UBE2W: variants seen among roughly 807,000 people sequenced by gnomAD.
The protein encoded by UBE2W is ubiquitin-conjugating enzyme E2 W.
Under a neutral mutation model 27.2 loss-of-function variants are expected in UBE2W, and 18 were observed. The ratio of observed to expected loss-of-function variants is 0.66; its 90% confidence interval spans 0.46 to 0.98. The LOEUF (loss-of-function observed/expected upper bound fraction) is 0.98, where lower values mean the gene tolerates loss of function less well. Ranked by LOEUF, UBE2W falls within the 50% of genes least tolerant of loss-of-function variation. The pLI is 0.00. For missense variants in UBE2W, 90 were observed against 180.2 expected (o/e 0.50, Z 2.87); for synonymous variants, 53 against 57.2 (o/e 0.93, Z 0.33).
intron 4 of UBE2W, among the ~76,000 whole-genome samples, chr8:73,806,229 T>C (rs1256090838): frequency 1.3e-5 from 2 of 151,924 alleles, no homozygotes; most frequent in Admixed American, 1.3e-4. Context: ...CAAATTCACA[T>C]AATAATTTAA....
At chr8:73,860,654 T>G (rs919846181) in intron 1 of UBE2W, among the ~76,000 whole-genome samples, 1 of 152,206 alleles carries the variant, frequency 6.6e-6, no homozygotes, top group African/African-American at 2.4e-5. Flanking sequence ...GGATTTATGA[T>G]GTCAAAGTAT....
chr8:73,790,174 C>T lies in UBE2W; in HGVS notation c.*3928G>A. 1.0e-6 allele frequency: 1 copy of T among 984,428 alleles called. No homozygotes were observed. 61.0% of individuals were successfully genotyped at this position (984,428 alleles called of 1,614,324 possible). On this transcript the variant is annotated 3_prime_UTR_variant, in exon 6 of 6. Coordinates refer to ENST00000602593, the MANE Select transcript of UBE2W (RefSeq NM_018299.6). Reference sequence around the variant, plus strand: ...TAATAATCGTCCTTCTGTAGAATCCCTAACCTCAGAAAAAAAAAAGAGAGA... The same window carrying T: ...TAATAATCGTCCTTCTGTAGAATCCTTAACCTCAGAAAAAAAAAAGAGAGA...
chr8:73,791,909 T>G lies in UBE2W; in HGVS notation c.*2193A>C, dbSNP rs1004320834. ...AAAATATTGTCATAAAAAACTCAAT[T>G]GAGGCTATATATGACCTATTACTCT... On this transcript the variant is annotated 3_prime_UTR_variant, in exon 6 of 6. Transcript: ENST00000602593. 1.0e-6 allele frequency: 1 copy of G among 984,868 alleles called. No individual in the cohort carries two copies. The highest frequency in any genetic ancestry group is 6.2e-5 in the Admixed American group (1 of 16,252). 61.0% of individuals were successfully genotyped at this position (984,868 alleles called of 1,614,324 possible). A position where few individuals can be genotyped will look rare whatever the true frequency, so the allele number is the denominator to read the frequency against.
Position 73,788,931 on chromosome 8 carries a change from C to A in UBE2W, c.*5171G>T, listed in dbSNP as rs1808076029. On this transcript the variant is annotated 3_prime_UTR_variant, in exon 6 of 6. Coordinates refer to ENST00000602593, the MANE Select transcript of UBE2W (RefSeq NM_018299.6). ...TCTATTCAGGCATTCCTTCCACATA[C>A]TCAAAATACCCTCAGATATTTTATT... is the stretch of plus-strand genomic sequence containing the variant. The A allele has an allele frequency of 1.0e-6, 1 of 984,270 alleles. No homozygotes were observed. Among genetic ancestry groups the A allele is most frequent in the Admixed American group, 6.2e-5 (1 of 16,234 alleles). 61.0% of individuals were successfully genotyped at this position (984,270 alleles called of 1,614,324 possible).
intron 3 of UBE2W, among the ~76,000 whole-genome samples, chr8:73,821,844 T>A (rs1232202618): frequency 6.6e-6 from 1 of 151,856 alleles, no homozygotes; most frequent in Non-Finnish European, 1.5e-5. Flanking sequence ...CTACAAAAAA[T>A]ATAAAAATTA....
chr8:73,873,999 TAGAC>T (rs1285141906), intron 1 of UBE2W, among the ~76,000 whole-genome samples: 4 of 152,224 alleles, frequency 2.6e-5, no homozygotes, highest in Non-Finnish European at 5.9e-5. Flanking sequence ...ATTAGAAAAT[TAGAC>T]AGCATATATG....
intron 1 of UBE2W, among the ~76,000 whole-genome samples, chr8:73,855,354 T>C (rs1811243998): frequency 6.6e-6 from 1 of 151,748 alleles, no homozygotes; most frequent in Admixed American, 6.6e-5. Flanking sequence ...TGAAATTTGA[T>C]GCAGTTATGA....
At chr8:73,844,189 C>A (rs1323979443) in intron 1 of UBE2W, among the ~76,000 whole-genome samples, 1 of 149,662 alleles carries the variant, frequency 6.7e-6, no homozygotes, top group East Asian at 2.0e-4. Context: ...CGGACTCCCT[C>A]TGATGCCAAG....
At chr8:73,852,162 C>T (rs1281959100) in intron 1 of UBE2W, among the ~76,000 whole-genome samples, 4 of 151,976 alleles carry the variant, frequency 2.6e-5, no homozygotes, top group Non-Finnish European at 5.9e-5. Flanking sequence ...AGTTCAAGTT[C>T]CCTGTGAACA....
In UBE2W at chr8:73,805,699, C is replaced by A; in HGVS notation, c.394G>T (p.Val132Leu). 2 of 1,538,888 alleles carry A rather than the reference C, an allele frequency of 1.3e-6. No individual in the cohort carries two copies. Among genetic ancestry groups the A allele is most frequent in the Non-Finnish European group, 1.8e-6 (2 of 1,136,064 alleles). ...TTTGGATTCTTGTTACATGTTCGCA[C>A]ATAAAAAGAATTATCCGGTGGTCGT... ...KRRPPDNSFY[V>L]RTCNKNPKKT... The change falls in exon 5 of 6, where the codon GTG becomes TTG. Residue 132 changes from valine (V) to leucine (L), a missense_variant. Transcript: ENST00000602593.
At chr8:73,864,710 G>T (rs1811671934) in intron 1 of UBE2W, among the ~76,000 whole-genome samples, 1 of 138,850 alleles carries the variant, frequency 7.2e-6, no homozygotes. Flanking sequence ...CCGAGTAGCT[G>T]GGATTACAGG....
intron 1 of UBE2W, 66 bp downstream of exon 1, chr8:73,878,742 C>G: frequency 2.1e-6 from 3 of 1,425,256 alleles, no homozygotes; most frequent in Non-Finnish European, 2.9e-6. Context: ...GACGCCACCC[C>G]CGCCCGAACG....
chr8:73,846,674 T>C (rs1463332162), intron 1 of UBE2W, among the ~76,000 whole-genome samples: 1 of 152,142 alleles, frequency 6.6e-6, no homozygotes, highest in East Asian at 1.9e-4. Context: ...GATAAGAATA[T>C]GAGCACAAAA....
chr8:73,837,582 T>G (rs549214214), intron 1 of UBE2W, among the ~76,000 whole-genome samples: 1 of 152,288 alleles, frequency 6.6e-6, no homozygotes, highest in Admixed American at 6.5e-5. Context: ...AAATAAAACT[T>G]CGAGTATGTT....
At chr8:73,798,754 G>A (rs1009379945) in intron 5 of UBE2W, among the ~76,000 whole-genome samples, 1 of 152,108 alleles carries the variant, frequency 6.6e-6, no homozygotes, top group African/African-American at 2.4e-5. Flanking sequence ...CAATTATCAT[G>A]TCTGTTTTAT....
At chr8:73,859,265 G>A (rs1405775785) in intron 1 of UBE2W, among the ~76,000 whole-genome samples, 1 of 152,142 alleles carries the variant, frequency 6.6e-6, no homozygotes, top group African/African-American at 2.4e-5. Flanking sequence ...CAGCACTTTG[G>A]GAGGCTGAGG....
intron 3 of UBE2W, among the ~76,000 whole-genome samples, chr8:73,818,144 G>C (rs1809469629): frequency 6.6e-6 from 1 of 152,182 alleles, no homozygotes; most frequent in Non-Finnish European, 1.5e-5. Context: ...TGCCCCCAAA[G>C]CATACAATTC....
At chr8:73,810,421 T>C (rs780674871) in intron 4 of UBE2W, 53 bp downstream of exon 4, 17 of 1,474,540 alleles carry the variant, frequency 1.2e-5, no homozygotes, top group Non-Finnish European at 1.6e-5. Flanking sequence ...AAATTATTTA[T>C]CTACCTAACT....
rs755283173 is a variant in UBE2W at position 73,790,561 on chromosome 8, T to G, written c.*3541A>C. On this transcript the variant is annotated 3_prime_UTR_variant, in exon 6 of 6. Transcript: ENST00000602593. ...GCTAAGATATGTACAAAAAAATTAA[T>G]GAAAGTGAGATCAAGAAATATAAGC... 6 of 984,256 alleles carry G rather than the reference T, an allele frequency of 6.1e-6. No homozygotes were observed. Among genetic ancestry groups the G allele is most frequent in the Non-Finnish European group, 7.2e-6 (6 of 828,998 alleles). The allele number at this position is 984,256 out of a possible 1,614,324, so 61.0% of individuals were successfully genotyped here.
Sources: allele counts gnomAD v4.1 joint callset (sites outside exome capture counted in the v4.1 genomes callset), GRCh38; gene constraint gnomAD v4.1.1; transcripts MANE v1.5; gene names NCBI Gene and HGNC (gene_info 2026-07-23, HGNC 2026-07-21).